The following RBFOX1 variants were observed in gnomAD, a reference collection of about 807,000 sequenced individuals.
The protein encoded by RBFOX1 is RNA binding protein fox-1 homolog 1.
RBFOX1 carries 8 observed loss-of-function variants against 57.7 expected under a neutral mutation model. That is an observed-to-expected ratio of 0.14 (90% CI 0.08 to 0.25). RBFOX1 has a LOEUF of 0.25. Among genes scored for constraint, RBFOX1 ranks in the 10% least tolerant of loss-of-function variants. The probability of loss-of-function intolerance (pLI) is 1.00; values close to 1 mark genes in which losing one functional copy is unlikely to be tolerated. For synonymous variants in RBFOX1, 326 were observed against 222.4 expected, an observed-to-expected ratio of 1.47 and a Z score of -4.15; for missense variants, 611 against 548.5, an observed-to-expected ratio of 1.11 and a Z score of -1.14.
chr16:7,626,654 C>G (rs528753453), intron 10 of RBFOX1, among the ~76,000 whole-genome samples: 2 of 152,098 alleles, frequency 1.3e-5, no homozygotes, highest in Admixed American at 1.3e-4. Context: ...AGAGAAAACA[C>G]GTGAAGTAGA....
At chr16:6,954,460 A>G (rs755967321) in intron 3 of RBFOX1, among the ~76,000 whole-genome samples, 8 of 152,184 alleles carry the variant, frequency 5.3e-5, no homozygotes, top group Non-Finnish European at 1.0e-4. Context: ...TCAAGCAGGA[A>G]CAAAACTCAG....
chr16:5,870,168 TAAAC>T (rs1405836600), intron 4 of RBFOX1, among the ~76,000 whole-genome samples: 1 of 149,400 alleles, frequency 6.7e-6, no homozygotes, highest in East Asian at 1.9e-4. Flanking sequence ...ATATAAAAAA[TAAAC>T]AGACAACATT....
At chr16:6,153,035 T>TG (rs1479321830) in intron 1 of RBFOX1, among the ~76,000 whole-genome samples, 1 of 120,856 alleles carries the variant, frequency 8.3e-6, no homozygotes, top group East Asian at 2.0e-4. Context: ...TATTTTCTGT[T>TG]TTTTTTTTTT....
At position 7,136,941 on chromosome 16, in the gene RBFOX1, G is replaced by A. The variant is rs1231868544; in HGVS notation, c.27+84843G>A. On this transcript the variant is annotated intron_variant, in intron 4 of 15. Transcript: ENST00000550418. Reference sequence around the variant, plus strand: ...TTGCGCTGGGGCCCTTTCATTCCTCGTCATGGCCCATGGGCCAGGACTGGA... The same window carrying A: ...TTGCGCTGGGGCCCTTTCATTCCTCATCATGGCCCATGGGCCAGGACTGGA... Among the ~76,000 whole-genome samples the A allele has an allele frequency of 4.6e-5, 7 of 152,292 alleles. No individual in the cohort carries two copies. The South Asian group carries it at 6.2e-4, about 14-fold the overall frequency.
intron 2 of RBFOX1, among the ~76,000 whole-genome samples, chr16:5,588,101 C>G (rs2046892084): frequency 6.6e-6 from 1 of 152,072 alleles, no homozygotes; most frequent in Non-Finnish European, 1.5e-5. Flanking sequence ...AGAAAGAAGC[C>G]AGGCACAAAA....
At chr16:6,781,611 G>C (rs376312521) in intron 3 of RBFOX1, among the ~76,000 whole-genome samples, 1 of 151,926 alleles carries the variant, frequency 6.6e-6, no homozygotes, top group Admixed American at 6.6e-5. Flanking sequence ...ATTACTTATT[G>C]ATTTATCCAT....
chr16:6,604,789 C>G (rs775239826), intron 2 of RBFOX1, among the ~76,000 whole-genome samples: 6 of 151,974 alleles, frequency 3.9e-5, no homozygotes, highest in Non-Finnish European at 8.8e-5. Context: ...TTCTTTCTTA[C>G]CAATTAATTG....
At chr16:7,694,621 C>G (rs1015253347) in intron 14 of RBFOX1, among the ~76,000 whole-genome samples, 1 of 152,324 alleles carries the variant, frequency 6.6e-6, no homozygotes, top group South Asian at 2.1e-4. Flanking sequence ...CCCCTAGACT[C>G]GTATCTCTGC....
chr16:6,085,896 G>C (rs6500754), intron 1 of RBFOX1, among the ~76,000 whole-genome samples: 4 of 151,552 alleles, frequency 2.6e-5, no homozygotes, highest in Non-Finnish European at 5.9e-5. Flanking sequence ...GTGTGCTGTG[G>C]TGGTTTGCTG....
chr16:6,574,797 G>A (rs1254651195), intron 2 of RBFOX1, among the ~76,000 whole-genome samples: 2 of 149,518 alleles, frequency 1.3e-5, no homozygotes, highest in African/African-American at 2.5e-5. Flanking sequence ...CCAGCACTTA[G>A]GGAGGCCAAA....
At chr16:5,360,718 A>G (rs139610576) in intron 1 of RBFOX1, among the ~76,000 whole-genome samples, 3 of 152,370 alleles carry the variant, frequency 2.0e-5, no homozygotes, top group East Asian at 1.9e-4. Flanking sequence ...GTTGAAGGAA[A>G]GGCTAGAGAT....
intron 4 of RBFOX1, among the ~76,000 whole-genome samples, chr16:5,913,024 A>T (rs2058635821): frequency 6.6e-6 from 1 of 152,160 alleles, no homozygotes. Flanking sequence ...CCCAAGTCTA[A>T]GTTCAGACTC....
chr16:6,528,268 C>T (rs1598955275), intron 2 of RBFOX1, among the ~76,000 whole-genome samples: 1 of 152,158 alleles, frequency 6.6e-6, no homozygotes, highest in African/African-American at 2.4e-5. Flanking sequence ...GTGTGCATGC[C>T]CTTCAACTCT....
intron 3 of RBFOX1, among the ~76,000 whole-genome samples, chr16:7,042,342 G>A (rs1328982628): frequency 6.6e-6 from 1 of 152,140 alleles, no homozygotes; most frequent in Non-Finnish European, 1.5e-5. Flanking sequence ...CCTGGAAACT[G>A]TGTACAATGG....
At chr16:6,803,248 T>C (rs114944308) in intron 3 of RBFOX1, among the ~76,000 whole-genome samples, 2,620 of 152,268 alleles carry the variant, frequency 0.017, 64 homozygotes, top group African/African-American at 0.058. Context: ...CTGTTAGCTT[T>C]CTGCATGAAA....
At chr16:6,614,180 A>G (rs2154028058) in intron 2 of RBFOX1, among the ~76,000 whole-genome samples, 1 of 152,272 alleles carries the variant, frequency 6.6e-6, no homozygotes, top group Non-Finnish European at 1.5e-5. Flanking sequence ...TATCATTCAG[A>G]TCTTGTTTCT....
At chr16:6,698,920 A>G (rs1182076342) in intron 3 of RBFOX1, among the ~76,000 whole-genome samples, 1 of 152,196 alleles carries the variant, frequency 6.6e-6, no homozygotes, top group Non-Finnish European at 1.5e-5. Flanking sequence ...AAAGAGGCAT[A>G]TTGAATGTGT....
chr16:6,441,757 T>C (rs2094387436), intron 2 of RBFOX1, among the ~76,000 whole-genome samples: 2 of 152,172 alleles, frequency 1.3e-5, no homozygotes, highest in African/African-American at 4.8e-5. Context: ...TGTCTTCACG[T>C]AGCCAGGATA....
At chr16:5,990,301 A>G (rs952737241) in intron 4 of RBFOX1, among the ~76,000 whole-genome samples, 2 of 152,132 alleles carry the variant, frequency 1.3e-5, no homozygotes, top group African/African-American at 2.4e-5. Flanking sequence ...CCATAAAGGC[A>G]TATGTGAAGA....
Sources: gnomAD v4.1 joint callset for allele counts (sites outside exome capture counted in the v4.1 genomes callset) on GRCh38, gnomAD v4.1.1 for gene constraint, MANE v1.5 for transcripts, NCBI Gene and HGNC (gene_info 2026-07-23, HGNC 2026-07-21) for gene names.